Variants in GREB1L observed in about 807,000 individuals in gnomAD.
The protein encoded by GREB1L is GREB1-like protein.
In GREB1L, 17 loss-of-function variants were observed where a neutral mutation model predicts 200.8. The ratio of observed to expected loss-of-function variants is 0.08; its 90% CI spans 0.06 to 0.13. The LOEUF (loss-of-function observed/expected upper bound fraction) is 0.13, where lower values mean the gene tolerates loss of function less well. Ranked by LOEUF, GREB1L falls within the 10% of genes least tolerant of loss-of-function variation. The pLI is 1.00. For missense variants in GREB1L, 1,657 were observed against 2,367.7 expected, an observed-to-expected ratio of 0.70 and a Z score of 6.23; for synonymous variants, 789 against 893.0, an observed-to-expected ratio of 0.88 and a Z score of 2.08.
At chr18:21,356,516 A>T (rs2143441499) in intron 1 of GREB1L, among the ~76,000 whole-genome samples, 1 of 152,278 alleles carries the variant, frequency 6.6e-6, no homozygotes, top group South Asian at 2.1e-4. Flanking sequence ...TTCTTTTTAA[A>T]GACTGAATAG....
At chr18:21,387,403 A>C (rs2040588094) in intron 4 of GREB1L, 1 of 152,184 alleles carries the variant, frequency 6.6e-6, no homozygotes, top group Admixed American at 6.5e-5. Flanking sequence ...AATTAAAATC[A>C]TTTGCTCTGG....
intron 1 of GREB1L, among the ~76,000 whole-genome samples, chr18:21,348,208 G>A (rs568225992): frequency 6.6e-6 from 1 of 151,846 alleles, no homozygotes; most frequent in African/African-American, 2.4e-5. Flanking sequence ...GCCTCCGAAC[G>A]TGCTGGGATT....
chr18:21,247,430 T>C (rs1372607849), intron 1 of GREB1L, among the ~76,000 whole-genome samples: 2 of 152,200 alleles, frequency 1.3e-5, no homozygotes, highest in East Asian at 3.8e-4. Flanking sequence ...GTGAACTATA[T>C]CTTGTATTGT....
Position 21,401,324 on chromosome 18 carries a change from A to C in GREB1L, c.707A>C (p.Lys236Thr), listed in dbSNP as rs1466201542. The C allele has an allele frequency of 1.3e-6, 2 of 1,546,698 alleles. No individual in the cohort carries two copies. The highest frequency in any genetic ancestry group is 1.4e-5 in the African/African-American group (1 of 72,842). Residue 236 changes from lysine to threonine, a missense_variant and splice_region_variant, in exon 6 of 33, where the codon AAA becomes ACA. Physicochemically the swap from Lys to Thr is moderately conservative, Grantham distance 78. Coordinates refer to ENST00000424526, the MANE Select transcript of GREB1L (RefSeq NM_001142966.3). ...TCTAAAGGACCTCTTATCTGCTGGA[A>C]AGGTAGTCAATTTCCAGGAAGAAAA... The part of the protein sequence containing the change: ...VLSKGPLICW[K>T]ECRSRQSSAS...
At chr18:21,410,656 G>C (rs12458521) in intron 7 of GREB1L, among the ~76,000 whole-genome samples, 45,990 of 149,034 alleles carry the variant, frequency 0.31, 9,060 homozygotes, top group African/African-American at 0.52. Flanking sequence ...AAAAGACAAA[G>C]TGTTGATCAT....
At chr18:21,394,488 C>G (rs534338388) in intron 4 of GREB1L, among the ~76,000 whole-genome samples, 5 of 152,334 alleles carry the variant, frequency 3.3e-5, no homozygotes, top group African/African-American at 9.6e-5. Context: ...TGGACAGCAT[C>G]TGTTGCAAAT....
intron 2 of GREB1L, among the ~76,000 whole-genome samples, chr18:21,379,847 T>TA (rs2040231803): frequency 6.6e-6 from 1 of 152,198 alleles, no homozygotes; most frequent in East Asian, 1.9e-4. Flanking sequence ...TTAATGTTTG[T>TA]ATTGTACTGG....
At chr18:21,399,616 G>T (rs1386403685) in intron 5 of GREB1L, among the ~76,000 whole-genome samples, 3 of 152,138 alleles carry the variant, frequency 2.0e-5, no homozygotes, top group Admixed American at 2.0e-4. Context: ...ATAGTCAAAT[G>T]TTCTCAAATA....
At chr18:21,308,824 C>T (rs1386614762) in intron 1 of GREB1L, among the ~76,000 whole-genome samples, 1 of 152,212 alleles carries the variant, frequency 6.6e-6, no homozygotes, top group Non-Finnish European at 1.5e-5. Context: ...AATCTCCTGT[C>T]TTGGGAGCTT....
At chr18:21,383,917 T>C (rs1209631792) in intron 3 of GREB1L, among the ~76,000 whole-genome samples, 2 of 152,060 alleles carry the variant, frequency 1.3e-5, no homozygotes, top group Non-Finnish European at 2.9e-5. Flanking sequence ...GATTTCACCA[T>C]GTTGGTCAGG....
rs199865999 is a variant in GREB1L, at chr18:21,384,398, C to A, written c.350C>A (p.Thr117Lys). ...QKPAPEGSCT[T>K]DGFCQAGKDL... ...CCTGCCCCAGAAGGATCTTGCACTA[C>A]AGATGGTGGGTTTCAGTTGTGTTTT... Residue 117 changes from threonine (T) to lysine (K), a missense_variant, in exon 4 of 33, where the codon ACA becomes AAA. Thr to Lys is a moderately conservative substitution (Grantham distance 78). Transcript: ENST00000424526. 1 of 1,545,932 alleles carries A rather than the reference C, an allele frequency of 6.5e-7. No individual in the cohort carries two copies. The highest frequency in any genetic ancestry group is 2.4e-5 in the East Asian group (1 of 40,854).
intron 7 of GREB1L, among the ~76,000 whole-genome samples, chr18:21,428,332 CTTTTTTTTTTTTTT>C (rs59982674): frequency 5.6e-5 from 3 of 54,032 alleles, no homozygotes; most frequent in East Asian, 1.4e-3. Flanking sequence ...GTCTTTTTGT[CTTTTTTTTTTTTTT>C]TTTTTTTTTT....
intron 1 of GREB1L, among the ~76,000 whole-genome samples, chr18:21,362,584 A>G (rs1377257828): frequency 1.3e-5 from 2 of 152,182 alleles, no homozygotes; most frequent in Non-Finnish European, 2.9e-5. Context: ...TGAGAAGAAT[A>G]ATGTATTTAG....
intron 2 of GREB1L, 23 bp downstream of exon 2, chr18:21,366,159 C>G (rs1206358318): frequency 6.6e-6 from 1 of 151,746 alleles, no homozygotes; most frequent in Non-Finnish European, 1.5e-5. Flanking sequence ...TATATATGAC[C>G]CTCCCCAATT....
intron 7 of GREB1L, among the ~76,000 whole-genome samples, chr18:21,407,999 T>C (rs557198389): frequency 2.7e-4 from 41 of 152,314 alleles, no homozygotes; most frequent in African/African-American, 8.9e-4. Flanking sequence ...AGAGGTTGGC[T>C]AATGTGTACA....
chr18:21,383,298 G>A (rs2144048483), intron 2 of GREB1L, among the ~76,000 whole-genome samples: 1 of 152,244 alleles, frequency 6.6e-6, no homozygotes, highest in East Asian at 1.9e-4. Flanking sequence ...GGGGCTTTTT[G>A]AGTTGGGTTT....
At chr18:21,487,023 G>A (rs1158583003) in intron 18 of GREB1L, among the ~76,000 whole-genome samples, 1 of 152,214 alleles carries the variant, frequency 6.6e-6, no homozygotes, top group Non-Finnish European at 1.5e-5. Flanking sequence ...CTCAAGTACG[G>A]TTTGATATTT....
chr18:21,288,018 T>A (rs1226078627), intron 1 of GREB1L, among the ~76,000 whole-genome samples: 1 of 152,080 alleles, frequency 6.6e-6, no homozygotes, highest in Non-Finnish European at 1.5e-5. Context: ...TTGGCCAGGA[T>A]GGTCTCTATC....
chr18:21,380,358 C>T (rs1045134985), intron 2 of GREB1L: 2 of 152,236 alleles, frequency 1.3e-5, no homozygotes, highest in Non-Finnish European at 2.9e-5. Flanking sequence ...GGCGCCCTTT[C>T]CTGATGAACA....
Sources: allele counts gnomAD v4.1 joint callset (sites outside exome capture counted in the v4.1 genomes callset), GRCh38; gene constraint gnomAD v4.1.1; transcripts MANE v1.5; gene names NCBI Gene and HGNC (gene_info 2026-07-23, HGNC 2026-07-21).